DIAPH2: variants seen among roughly 807,000 people sequenced by gnomAD.
The protein encoded by DIAPH2 is diaphanous related formin 2.
In DIAPH2, 35 loss-of-function variants were observed where a neutral mutation model predicts 92.7. The observed-to-expected ratio is 0.38, with a 90% confidence interval of 0.29 to 0.50. The LOEUF (loss-of-function observed/expected upper bound fraction) is 0.50, where lower values mean the gene tolerates loss of function less well. Among genes scored for constraint, DIAPH2 ranks in the 20% least tolerant of loss-of-function variants. The probability of loss-of-function intolerance (pLI) is 0.94; values close to 1 mark genes in which losing one functional copy is unlikely to be tolerated. For synonymous variants in DIAPH2, 301 were observed against 280.4 expected (o/e 1.07, Z -0.73); for missense variants, 701 against 819.5 (o/e 0.86, Z 1.77).
chrX:97,282,153 T>G (rs141020730), intron 23 of DIAPH2, among the ~76,000 whole-genome samples: 1,778 of 111,810 alleles, frequency 0.016, 43 homozygotes, highest in African/African-American at 0.054. Context: ...GTAAACTAGA[T>G]GAAGTCTCCC....
At chrX:97,289,866 A>T (rs191003262) in intron 23 of DIAPH2, among the ~76,000 whole-genome samples, 42 of 110,142 alleles carry the variant, frequency 3.8e-4, no homozygotes, top group Non-Finnish European at 7.0e-4. Context: ...CTGGGACTAC[A>T]CGCGTGTGCC....
intron 22 of DIAPH2, among the ~76,000 whole-genome samples, chrX:97,180,771 C>T (rs2067533175): frequency 9.0e-6 from 1 of 111,451 alleles, no homozygotes; most frequent in African/African-American, 3.3e-5. Flanking sequence ...AATCATTTCC[C>T]CATTGCTTGT....
intron 5 of DIAPH2, among the ~76,000 whole-genome samples, chrX:96,907,675 A>G (rs1224207904): frequency 8.9e-6 from 1 of 112,075 alleles, no homozygotes; most frequent in Non-Finnish European, 1.9e-5. Flanking sequence ...GGCAATTAGA[A>G]CTGTGATATT....
intron 5 of DIAPH2, among the ~76,000 whole-genome samples, chrX:96,907,063 TGTTAAGACA>T (rs1268580228): frequency 2.7e-5 from 3 of 112,304 alleles, no homozygotes; most frequent in African/African-American, 9.7e-5. Flanking sequence ...ATGTGTAGCA[TGTTAAGACA>T]GTTCTTTAAC....
intron 4 of DIAPH2, among the ~76,000 whole-genome samples, chrX:96,822,222 G>A (rs528229412): frequency 4.0e-3 from 444 of 111,481 alleles, no homozygotes; most frequent in Non-Finnish European, 6.8e-3. Flanking sequence ...CTACTTCTCT[G>A]TATTATCAAT....
intron 19 of DIAPH2, among the ~76,000 whole-genome samples, chrX:97,092,857 T>C (rs2066835962): frequency 9.0e-6 from 1 of 110,747 alleles, no homozygotes; most frequent in Non-Finnish European, 1.9e-5. Flanking sequence ...GTTAACAGGG[T>C]ATCATATATC....
At chrX:97,433,203 TA>T (rs1239685304) in intron 26 of DIAPH2, among the ~76,000 whole-genome samples, 1 of 110,569 alleles carries the variant, frequency 9.0e-6, no homozygotes, top group Non-Finnish European at 1.9e-5. Flanking sequence ...TAATTGAAAA[TA>T]TTTTTTTTTA....
intron 23 of DIAPH2, among the ~76,000 whole-genome samples, chrX:97,327,855 C>T (rs2068965428): frequency 8.9e-6 from 1 of 112,530 alleles, no homozygotes; most frequent in Admixed American, 9.4e-5. Context: ...GGATTACAGG[C>T]GTGAGCCACC....
intron 26 of DIAPH2, among the ~76,000 whole-genome samples, chrX:97,464,194 G>A: frequency 9.5e-6 from 1 of 105,421 alleles, no homozygotes; most frequent in Non-Finnish European, 1.9e-5. Context: ...GCCGGGGGTG[G>A]TGGCTCATGC....
intron 26 of DIAPH2, among the ~76,000 whole-genome samples, chrX:97,595,158 G>A (rs1193756280): frequency 8.9e-6 from 1 of 111,860 alleles, no homozygotes; most frequent in Non-Finnish European, 1.9e-5. Context: ...CAAAGTCTTC[G>A]GTAAGAAGGA....
At chrX:97,085,998 C>G (rs1020974007) in intron 19 of DIAPH2, among the ~76,000 whole-genome samples, 7 of 111,119 alleles carry the variant, frequency 6.3e-5, no homozygotes, top group African/African-American at 2.3e-4. Flanking sequence ...CAGGAAAGAC[C>G]GTAAGCAGGA....
At chrX:97,089,871 G>A (rs748518443) in intron 19 of DIAPH2, among the ~76,000 whole-genome samples, 2 of 110,604 alleles carry the variant, frequency 1.8e-5, no homozygotes, top group African/African-American at 6.6e-5. Context: ...GGGACTACAG[G>A]TGCCCGCCAC....
chrX:97,582,543 C>A (rs770948792), intron 26 of DIAPH2, among the ~76,000 whole-genome samples: 1 of 109,925 alleles, frequency 9.1e-6, no homozygotes, highest in Non-Finnish European at 1.9e-5. Flanking sequence ...CCGAGAGATC[C>A]GCTGTTAGTC....
intron 1 of DIAPH2, among the ~76,000 whole-genome samples, chrX:96,691,539 T>C (rs2063798127): frequency 1.8e-5 from 2 of 112,596 alleles, no homozygotes; most frequent in South Asian, 7.3e-4. Flanking sequence ...AATAATATAC[T>C]CTGGCTGTAG....
chrX:96,824,628 A>C (rs1278867794), intron 4 of DIAPH2, among the ~76,000 whole-genome samples: 1 of 111,717 alleles, frequency 9.0e-6, no homozygotes, highest in Non-Finnish European at 1.9e-5. Context: ...CTTCCCCTCA[A>C]AGTGTTTTTG....
rs186171277 is a variant in DIAPH2, at chrX:96,864,283, T to C, written c.448-17296T>C. On this transcript the variant is annotated intron_variant, in intron 4 of 26. Transcript: ENST00000324765. ...TCAGGTCAAAAATAAGTCATACTTT[T>C]TGAGGCACTTTTTTTTTTTTTTTTT... 3.1e-5 allele frequency among the ~76,000 whole-genome samples: 3 copies of C among 97,968 alleles called. No homozygotes were observed. The Admixed American group carries it at 3.5e-4, about 11-fold the overall frequency. 85.1% of individuals were successfully genotyped at this position (97,968 alleles called of 115,157 possible). A position where few individuals can be genotyped will look rare whatever the true frequency, so the allele number is the denominator to read the frequency against.
At chrX:97,470,805 T>C (rs1272823988) in intron 26 of DIAPH2, among the ~76,000 whole-genome samples, 1 of 110,051 alleles carries the variant, frequency 9.1e-6, no homozygotes, top group African/African-American at 3.3e-5. Flanking sequence ...TTCTAGGTCA[T>C]GGGAGTTGCT....
At chrX:97,042,739 G>A (rs1445106592) in intron 17 of DIAPH2, among the ~76,000 whole-genome samples, 1 of 111,665 alleles carries the variant, frequency 9.0e-6, no homozygotes, top group Non-Finnish European at 1.9e-5. Context: ...TGTTTATTTT[G>A]TTTGCTACTT....
intron 4 of DIAPH2, among the ~76,000 whole-genome samples, chrX:96,796,622 A>G (rs2064541826): frequency 9.0e-6 from 1 of 111,379 alleles, no homozygotes; most frequent in African/African-American, 3.3e-5. Flanking sequence ...TTCAGTGGTT[A>G]CTATAGAATT....
Sources: allele counts gnomAD v4.1 joint callset (sites outside exome capture counted in the v4.1 genomes callset), GRCh38; gene constraint gnomAD v4.1.1; transcripts MANE v1.5; gene names NCBI Gene and HGNC (gene_info 2026-07-23, HGNC 2026-07-21).